Variants in TMEM132D observed in about 807,000 individuals in gnomAD.
TMEM132D encodes the protein transmembrane protein 132D.
In TMEM132D, 21 loss-of-function variants were observed where a neutral mutation model predicts 62.3. That is an observed-to-expected ratio of 0.34 (90% CI 0.24 to 0.49). The LOEUF is 0.49. Ranked by LOEUF, TMEM132D falls within the 20% of genes least tolerant of loss-of-function variation. The pLI, the probability that TMEM132D is intolerant of heterozygous loss-of-function variation, is 0.99. For missense variants in TMEM132D, 1,346 were observed against 1,402.8 expected, an observed-to-expected ratio of 0.96 and a Z score of 0.65; for synonymous variants, 621 against 575.6, an observed-to-expected ratio of 1.08 and a Z score of -1.13.
intron 5 of TMEM132D, among the ~76,000 whole-genome samples, chr12:129,102,534 C>T (rs997503961): frequency 2.0e-5 from 3 of 152,052 alleles, no homozygotes; most frequent in African/African-American, 4.8e-5. Context: ...ACACAACACA[C>T]ACACACATGC....
At chr12:129,801,654 G>C (rs1276194490) in intron 1 of TMEM132D, among the ~76,000 whole-genome samples, 1 of 151,926 alleles carries the variant, frequency 6.6e-6, no homozygotes, top group Admixed American at 6.5e-5. Flanking sequence ...AAGGAACGCA[G>C]TTCCTCACCA....
At chr12:129,308,557 T>C (rs980082599) in intron 4 of TMEM132D, among the ~76,000 whole-genome samples, 1 of 152,240 alleles carries the variant, frequency 6.6e-6, no homozygotes, top group Non-Finnish European at 1.5e-5. Flanking sequence ...TTCCTATCAC[T>C]TGCCTTCAAA....
chr12:129,187,071 C>T lies in TMEM132D; in HGVS notation c.1443+22449G>A, dbSNP rs112445629. On this transcript the variant is annotated intron_variant, in intron 5 of 8. Transcript: ENST00000422113. ...TCCACCCAAGAGTATCTGTGTTCTACTTCTTCCCAGGCACACGGCTAGCCT... is the reference window on the plus strand; with the variant it reads ...TCCACCCAAGAGTATCTGTGTTCTATTTCTTCCCAGGCACACGGCTAGCCT... Among the ~76,000 whole-genome samples the T allele has an allele frequency of 6.2e-3, 948 of 152,300 alleles. 12 individuals are homozygous for T. Among genetic ancestry groups the T allele is most frequent in the African/African-American group, 0.022 (901 of 41,568 alleles).
At position 129,074,101 on chromosome 12, in the gene TMEM132D, ATGATGATGGGTCCCAAAG is replaced by A. The variant is rs1485146630; in HGVS notation, c.3056_3073del (p.Pro1019_Ile1025delinsLeu). On this transcript the variant is annotated inframe_deletion, in exon 9 of 9. Coordinates refer to ENST00000422113, the MANE Select transcript of TMEM132D (RefSeq NM_133448.3). The stretch of plus-strand genomic sequence containing the variant: ...CTCACTTTTCTGATCTTTCCCATCA[ATGATGATGGGTCCCAAAG>A]GTTTGAACAGCTGCCCATTGATGCT... 6.2e-7 allele frequency: 1 copy of A among 1,613,940 alleles called. No individual in the cohort carries two copies. Among genetic ancestry groups the A allele is most frequent in the Non-Finnish European group, 8.5e-7 (1 of 1,180,008 alleles).
At chr12:129,633,647 T>A (rs529806690) in intron 2 of TMEM132D, among the ~76,000 whole-genome samples, 2 of 152,264 alleles carry the variant, frequency 1.3e-5, no homozygotes, top group East Asian at 3.9e-4. Flanking sequence ...GGCATCTCTC[T>A]TTCATGGTGA....
At chr12:129,444,621 T>C (rs1476915707) in intron 3 of TMEM132D, among the ~76,000 whole-genome samples, 2 of 152,074 alleles carry the variant, frequency 1.3e-5, no homozygotes, top group Admixed American at 1.3e-4. Flanking sequence ...CTCCCCACCC[T>C]CCTCTGACAG....
intron 1 of TMEM132D, among the ~76,000 whole-genome samples, chr12:129,822,959 G>A (rs1196350443): frequency 6.6e-6 from 1 of 152,208 alleles, no homozygotes; most frequent in Non-Finnish European, 1.5e-5. Flanking sequence ...CAATGTTGGG[G>A]ATGGGACCTG....
chr12:129,700,811 A>G (rs1445147734), intron 1 of TMEM132D, 113 bp from the exon 2 acceptor site: 2 of 1,232,438 alleles, frequency 1.6e-6, no homozygotes, highest in East Asian at 2.5e-5. Flanking sequence ...CGCGCCAATT[A>G]TGCAATTCCT....
intron 3 of TMEM132D, among the ~76,000 whole-genome samples, chr12:129,502,069 G>A (rs1875163919): frequency 6.6e-6 from 1 of 151,630 alleles, no homozygotes; most frequent in South Asian, 2.1e-4. Flanking sequence ...GCACGGTCTC[G>A]ACTCACTGCA....
At chr12:129,588,035 A>G (rs1878079611) in intron 2 of TMEM132D, among the ~76,000 whole-genome samples, 1 of 152,188 alleles carries the variant, frequency 6.6e-6, no homozygotes, top group Non-Finnish European at 1.5e-5. Flanking sequence ...ATGGCTGCCC[A>G]GACTCCTTGG....
intron 5 of TMEM132D, among the ~76,000 whole-genome samples, chr12:129,143,307 G>A (rs1336350815): frequency 6.6e-6 from 1 of 152,166 alleles, no homozygotes; most frequent in Non-Finnish European, 1.5e-5. Flanking sequence ...TATTGCAAAG[G>A]ATACAGACAA....
intron 1 of TMEM132D, among the ~76,000 whole-genome samples, chr12:129,710,938 T>C (rs995790664): frequency 3.3e-5 from 5 of 151,692 alleles, no homozygotes; most frequent in Non-Finnish European, 7.4e-5. Context: ...CCACGCGCAT[T>C]CCCCGGCTGT....
chr12:129,374,296 A>AGAGAGAGAGAGAGAGAGAGAG (rs59407953), intron 3 of TMEM132D, among the ~76,000 whole-genome samples: 1 of 151,126 alleles, frequency 6.6e-6, no homozygotes, highest in Non-Finnish European at 1.5e-5. Context: ...AGAGAGAGAG[A>AGAGAGAGAGAGAGAGAGAGAG]TTGCCCCTTC....
intron 3 of TMEM132D, among the ~76,000 whole-genome samples, chr12:129,356,917 A>G (rs1256473681): frequency 2.0e-4 from 21 of 104,510 alleles, no homozygotes; most frequent in African/African-American, 9.0e-4. Flanking sequence ...AAGGTAAGGA[A>G]AGGAGAGGAG....
At chr12:129,260,979 G>A (rs1327046287) in intron 4 of TMEM132D, among the ~76,000 whole-genome samples, 5 of 152,120 alleles carry the variant, frequency 3.3e-5, no homozygotes, top group Non-Finnish European at 1.5e-5. Context: ...ACATGCATAT[G>A]CATCTATCTT....
chr12:129,223,043 T>C (rs1879389044), intron 4 of TMEM132D, among the ~76,000 whole-genome samples: 1 of 152,118 alleles, frequency 6.6e-6, no homozygotes, highest in Admixed American at 6.5e-5. Context: ...TTGCCAGTTA[T>C]ACCTCAATAA....
At chr12:129,531,571 T>C (rs1876227143) in intron 2 of TMEM132D, among the ~76,000 whole-genome samples, 1 of 152,066 alleles carries the variant, frequency 6.6e-6, no homozygotes, top group Non-Finnish European at 1.5e-5. Context: ...GCAATGAAAA[T>C]GCAAAAGTAA....
intron 5 of TMEM132D, among the ~76,000 whole-genome samples, chr12:129,184,810 C>T (rs572303675): frequency 6.7e-6 from 1 of 148,858 alleles, no homozygotes; most frequent in East Asian, 2.0e-4. Flanking sequence ...TTGGCTGTTT[C>T]ATCAGAAATG....
intron 5 of TMEM132D, among the ~76,000 whole-genome samples, chr12:129,166,361 C>T (rs12823113): frequency 0.16 from 5,603 of 35,194 alleles, 200 homozygotes; most frequent in East Asian, 0.28. Context: ...GGCATGAATG[C>T]GGGCGGAGCT....
Sources: allele counts gnomAD v4.1 joint callset (sites outside exome capture counted in the v4.1 genomes callset), GRCh38; gene constraint gnomAD v4.1.1; transcripts MANE v1.5; gene names NCBI Gene and HGNC (gene_info 2026-07-23, HGNC 2026-07-21).